The following ZNF385D variants were observed in gnomAD, a reference collection of about 807,000 sequenced individuals.
ZNF385D encodes zinc finger protein 385D.
A neutral mutation model predicts 35.8 loss-of-function variants in ZNF385D; 15 were observed. That is an observed-to-expected ratio of 0.42 (90% CI 0.28 to 0.64). The LOEUF (loss-of-function observed/expected upper bound fraction) is 0.64, where lower values mean the gene tolerates loss of function less well. Ranked by LOEUF, ZNF385D falls within the 30% of genes least tolerant of loss-of-function variation. The pLI, the probability that ZNF385D is intolerant of heterozygous loss-of-function variation, is 0.23. For missense variants in ZNF385D, 474 were observed against 494.6 expected (o/e 0.96, Z 0.39); for synonymous variants, 212 against 186.8 (o/e 1.13, Z -1.10).
At chr3:21,752,937 G>T (rs2070172414), upstream of ZNF385D, among the ~76,000 whole-genome samples, 1 of 152,022 alleles carries the variant, frequency 6.6e-6, no homozygotes. Flanking sequence ...AAGCTGCCTT[G>T]ACCTCCTACA....
At chr3:21,424,187 A>G (rs1688625306) in intron 6 of ZNF385D, 123 bp from the exon 7 acceptor site, 2 of 782,030 alleles carry the variant, frequency 2.6e-6, no homozygotes, top group Admixed American at 4.0e-5. Flanking sequence ...AGACAAAAAT[A>G]AAAGATCATG....
At chr3:21,520,823 A>G (rs984999326) in intron 3 of ZNF385D, among the ~76,000 whole-genome samples, 1 of 152,210 alleles carries the variant, frequency 6.6e-6, no homozygotes, top group Admixed American at 6.5e-5. Context: ...AAAAATGTTC[A>G]GTACTCGGGA....
At chr3:21,603,352 A>G (rs1037291970) in intron 2 of ZNF385D, among the ~76,000 whole-genome samples, 1 of 151,062 alleles carries the variant, frequency 6.6e-6, no homozygotes, top group African/African-American at 2.5e-5. Flanking sequence ...TTTGGAAGTT[A>G]AAAGTGTGTC....
chr3:21,420,952 T>A lies in ZNF385D; in HGVS notation c.*262A>T. On this transcript the variant is annotated 3_prime_UTR_variant, in exon 8 of 8. Coordinates refer to ENST00000281523, the MANE Select transcript of ZNF385D (RefSeq NM_024697.3). ...TCACAGAGGCTTCAGAAGGTCTAGA[T>A]ACCACTACAAATCAATGCTGGAGAT... 2.2e-6 allele frequency: 1 copy of A among 446,766 alleles called. No individual in the cohort carries two copies. The highest frequency in any genetic ancestry group is 2.7e-5 in the South Asian group (1 of 37,112). The allele number at this position is 446,766 out of a possible 1,614,324, so 27.7% of individuals were successfully genotyped here.
At chr3:22,096,004 G>A (rs1285192624) in intron 3 of ZNF385D, among the ~76,000 whole-genome samples, 1 of 151,858 alleles carries the variant, frequency 6.6e-6, no homozygotes, top group Non-Finnish European at 1.5e-5. Context: ...AATAAAAGCT[G>A]GAGATTGGAG....
chr3:21,972,504 C>G (rs1703325904), intron 3 of ZNF385D, among the ~76,000 whole-genome samples: 1 of 151,728 alleles, frequency 6.6e-6, no homozygotes, highest in Non-Finnish European at 1.5e-5. Flanking sequence ...AAATAAACAA[C>G]CTATTGGTGT....
At chr3:21,723,252 G>C (rs1300026199) in intron 1 of ZNF385D, among the ~76,000 whole-genome samples, 1 of 152,090 alleles carries the variant, frequency 6.6e-6, no homozygotes, top group African/African-American at 2.4e-5. Context: ...CTCCTCCAAA[G>C]GATCAAAACT....
chr3:22,286,602 T>C (rs945038753), intron 2 of ZNF385D, among the ~76,000 whole-genome samples: 1 of 152,184 alleles, frequency 6.6e-6, no homozygotes, highest in African/African-American at 2.4e-5. Context: ...GGTGTTTTCA[T>C]TGTTTCAAGA....
intron 2 of ZNF385D, among the ~76,000 whole-genome samples, chr3:21,610,015 ACT>A (rs1177141277): frequency 6.6e-6 from 1 of 152,112 alleles, no homozygotes; most frequent in Non-Finnish European, 1.5e-5. Context: ...TATTTCTGTC[ACT>A]TCTAAGCAAA....
At chr3:21,518,520 T>C (rs1707717367) in intron 3 of ZNF385D, among the ~76,000 whole-genome samples, 1 of 152,162 alleles carries the variant, frequency 6.6e-6, no homozygotes, top group Non-Finnish European at 1.5e-5. Flanking sequence ...TCAATAAAAA[T>C]AATGACAGTA....
At chr3:21,966,666 C>T (rs1315673481) in intron 3 of ZNF385D, among the ~76,000 whole-genome samples, 2 of 152,206 alleles carry the variant, frequency 1.3e-5, no homozygotes, top group African/African-American at 4.8e-5. Context: ...ACTACAATCT[C>T]TGCCTCCCGG....
intron 4 of ZNF385D, among the ~76,000 whole-genome samples, chr3:21,449,546 A>G (rs1702342306): frequency 1.3e-5 from 2 of 152,178 alleles, no homozygotes; most frequent in Admixed American, 6.5e-5. Flanking sequence ...TTTATTATCA[A>G]TATTTCTGTT....
In ZNF385D at chr3:21,418,084, G is replaced by C. The variant is rs1405973213; in HGVS notation, c.*3130C>G. The C allele has an allele frequency of 6.6e-6, 1 of 152,112 alleles. No individual in the cohort carries two copies. The highest frequency in any genetic ancestry group is 2.4e-5 in the African/African-American group (1 of 41,430). The allele number at this position is 152,112 out of a possible 1,614,324, so 9.4% of individuals were successfully genotyped here. On this transcript the variant is annotated 3_prime_UTR_variant, in exon 8 of 8. Transcript: ENST00000281523. ...CCAATGACTGTTTCCCATTTGTCTG[G>C]ACGATCTGATTGAGGTGCAACAATG...
At chr3:21,826,007 G>A (rs1270695754) in intron 3 of ZNF385D, among the ~76,000 whole-genome samples, 1 of 152,174 alleles carries the variant, frequency 6.6e-6, no homozygotes, top group Non-Finnish European at 1.5e-5. Flanking sequence ...ATGATTTGAG[G>A]TGGAACAGTT....
At chr3:21,628,500 T>C (rs1252135399) in intron 2 of ZNF385D, among the ~76,000 whole-genome samples, 1 of 141,242 alleles carries the variant, frequency 7.1e-6, no homozygotes, top group African/African-American at 2.6e-5. Flanking sequence ...ATATGAAAAA[T>C]CTAGATTTTA....
intron 2 of ZNF385D, among the ~76,000 whole-genome samples, chr3:22,248,919 T>G (rs986727216): frequency 6.6e-6 from 1 of 152,200 alleles, no homozygotes; most frequent in Non-Finnish European, 1.5e-5. Context: ...TCTCATGACC[T>G]TCTCTTTCAG....
intron 3 of ZNF385D, among the ~76,000 whole-genome samples, chr3:21,840,173 T>G (rs1250430604): frequency 1.3e-5 from 2 of 152,076 alleles, no homozygotes; most frequent in Non-Finnish European, 2.9e-5. Flanking sequence ...GAATTTGTAT[T>G]TCAGTGACAA....
chr3:21,768,572 C>A (rs996811607), intron 3 of ZNF385D, among the ~76,000 whole-genome samples: 2 of 152,038 alleles, frequency 1.3e-5, no homozygotes, highest in Middle Eastern at 3.4e-3. Context: ...CCCAACACAG[C>A]CCTATGACAG....
chr3:21,970,123 T>A (rs981908249), intron 3 of ZNF385D, among the ~76,000 whole-genome samples: 1 of 152,128 alleles, frequency 6.6e-6, no homozygotes, highest in African/African-American at 2.4e-5. Flanking sequence ...AGCTGAACTA[T>A]GAAGGTAAGA....
Sources: allele counts gnomAD v4.1 joint callset (sites outside exome capture counted in the v4.1 genomes callset), GRCh38; gene constraint gnomAD v4.1.1; transcripts MANE v1.5; gene names NCBI Gene and HGNC (gene_info 2026-07-23, HGNC 2026-07-21).